The following DENND1A variants were observed in gnomAD, a reference collection of about 807,000 sequenced individuals.
DENND1A encodes DENN domain-containing protein 1A.
DENND1A carries 51 observed loss-of-function variants against 113.7 expected under a neutral mutation model. That is an observed-to-expected ratio of 0.45 (90% CI 0.36 to 0.57). The LOEUF is 0.57. Ranked by LOEUF, DENND1A falls within the 20% of genes least tolerant of loss-of-function variation. The probability of loss-of-function intolerance (pLI) is 0.00; values close to 1 mark genes in which losing one functional copy is unlikely to be tolerated. For missense variants in DENND1A, 1,258 were observed against 1,395.9 expected (o/e 0.90, Z 1.57); for synonymous variants, 565 against 570.8 (o/e 0.99, Z 0.14).
intron 5 of DENND1A, among the ~76,000 whole-genome samples, chr9:123,707,863 C>A (rs2066330820): frequency 6.6e-6 from 1 of 152,144 alleles, no homozygotes; most frequent in Admixed American, 6.5e-5. Context: ...TAGCTACATG[C>A]TTCCACAATA....
At chr9:123,415,141 G>C (rs2044619550) in intron 19 of DENND1A, among the ~76,000 whole-genome samples, 1 of 152,146 alleles carries the variant, frequency 6.6e-6, no homozygotes, top group Non-Finnish European at 1.5e-5. Context: ...TGCCAAGAAA[G>C]AGTAACGTGG....
chr9:123,883,909 T>C (rs1848657324), intron 1 of DENND1A, among the ~76,000 whole-genome samples: 1 of 149,518 alleles, frequency 6.7e-6, no homozygotes, highest in African/African-American at 2.5e-5. Flanking sequence ...TAAGAACAAA[T>C]TGGTCTATAA....
At chr9:123,589,534 G>A (rs753056517) in intron 11 of DENND1A, among the ~76,000 whole-genome samples, 2 of 146,912 alleles carry the variant, frequency 1.4e-5, no homozygotes, top group Admixed American at 6.9e-5. Context: ...ACAGCTCTCC[G>A]GTAGCTTGTC....
At chr9:123,863,192 C>T (rs73571779) in intron 2 of DENND1A, among the ~76,000 whole-genome samples, 4,951 of 152,162 alleles carry the variant, frequency 0.033, 264 homozygotes, top group African/African-American at 0.11. Context: ...CTTTGAATTA[C>T]GAAATGTATG....
chr9:123,620,684 G>T (rs1342496425), intron 10 of DENND1A, among the ~76,000 whole-genome samples: 1 of 152,092 alleles, frequency 6.6e-6, no homozygotes, highest in Admixed American at 6.6e-5. Flanking sequence ...ACACACATTT[G>T]TGTATGTGTG....
chr9:123,613,834 G>C (rs1016346211), intron 10 of DENND1A, among the ~76,000 whole-genome samples: 6 of 152,294 alleles, frequency 3.9e-5, no homozygotes, highest in Middle Eastern at 6.8e-3. Context: ...TAGCAGAATG[G>C]GGTATATCTG....
intron 2 of DENND1A, among the ~76,000 whole-genome samples, chr9:123,793,518 C>A (rs1459471673): frequency 6.6e-6 from 1 of 152,170 alleles, no homozygotes; most frequent in East Asian, 1.9e-4. Context: ...AGAATAATAT[C>A]TATTTGAGAA....
intron 2 of DENND1A, among the ~76,000 whole-genome samples, chr9:123,811,341 C>T (rs1343087178): frequency 6.6e-6 from 1 of 152,190 alleles, no homozygotes; most frequent in Admixed American, 6.5e-5. Flanking sequence ...GGGAAATAAG[C>T]AGTCTCCTAT....
chr9:123,644,039 A>T (rs1009514030), intron 9 of DENND1A, among the ~76,000 whole-genome samples: 7 of 152,208 alleles, frequency 4.6e-5, no homozygotes, highest in Non-Finnish European at 8.8e-5. Flanking sequence ...GGCAGCAAGG[A>T]TGCTGGCCTG....
chr9:123,499,361 T>A (rs980987457), intron 13 of DENND1A, among the ~76,000 whole-genome samples: 1 of 152,228 alleles, frequency 6.6e-6, no homozygotes, highest in African/African-American at 2.4e-5. Context: ...CAATACTTGA[T>A]TTCCTCATCT....
At chr9:123,867,586 C>A (rs1333904737) in intron 2 of DENND1A, among the ~76,000 whole-genome samples, 1 of 152,144 alleles carries the variant, frequency 6.6e-6, no homozygotes, top group African/African-American at 2.4e-5. Flanking sequence ...TTGATGGCTG[C>A]AGTAGACATC....
At chr9:123,537,648 G>GA (rs1245738650) in intron 13 of DENND1A, among the ~76,000 whole-genome samples, 1 of 146,940 alleles carries the variant, frequency 6.8e-6, no homozygotes, top group African/African-American at 2.5e-5. Context: ...AAAAAACAAA[G>GA]AAAAAACTCT....
rs141891381 is a variant in DENND1A, at chr9:123,487,352, G to A, written c.994-29455C>T. ...GTCTAGGGCCCAAGTCAGCTGGCAG[G>A]TTTGTTTACCTGCCCCCTCCACACC... On this transcript the variant is annotated intron_variant, in intron 13 of 23. Transcript: ENST00000394215. 1.6e-3 allele frequency among the ~76,000 whole-genome samples: 251 copies of A among 152,278 alleles called. 1 individual carries two copies. Among genetic ancestry groups the A allele is most frequent in the African/African-American group, 5.8e-3 (242 of 41,554 alleles).
chr9:123,649,258 G>T (rs1390818959), intron 9 of DENND1A, among the ~76,000 whole-genome samples: 3 of 152,028 alleles, frequency 2.0e-5, no homozygotes, highest in Non-Finnish European at 4.4e-5. Context: ...CCTCTATTGA[G>T]GACCATAAAA....
At chr9:123,427,123 GAACA>G (rs1564467775) in intron 19 of DENND1A, among the ~76,000 whole-genome samples, 2 of 152,218 alleles carry the variant, frequency 1.3e-5, no homozygotes, top group Non-Finnish European at 2.9e-5. Flanking sequence ...TTGGGGTTTA[GAACA>G]AACAAAAAGG....
At chr9:123,896,235 C>T (rs1461297489) in intron 1 of DENND1A, among the ~76,000 whole-genome samples, 1 of 151,980 alleles carries the variant, frequency 6.6e-6, no homozygotes, top group African/African-American at 2.4e-5. Flanking sequence ...TAGCTTGAGC[C>T]CAGGAGTTCA....
intron 8 of DENND1A, among the ~76,000 whole-genome samples, chr9:123,652,482 T>C (rs1399816610): frequency 6.6e-6 from 1 of 152,258 alleles, no homozygotes; most frequent in East Asian, 1.9e-4. Flanking sequence ...AACAGTCTAA[T>C]AAGCAATGAA....
intron 4 of DENND1A, 90 bp downstream of exon 4, chr9:123,769,424 G>T: frequency 8.5e-7 from 1 of 1,174,410 alleles, no homozygotes; most frequent in South Asian, 1.5e-5. Flanking sequence ...TGGTTAAACA[G>T]ACAGAATGTT....
chr9:123,555,620 C>T (rs776570784), intron 13 of DENND1A, among the ~76,000 whole-genome samples: 1 of 152,220 alleles, frequency 6.6e-6, no homozygotes, highest in Non-Finnish European at 1.5e-5. Context: ...TCAGGAAGGA[C>T]AGGCAGGCTT....
Sources: allele counts gnomAD v4.1 joint callset (sites outside exome capture counted in the v4.1 genomes callset), GRCh38; gene constraint gnomAD v4.1.1; transcripts MANE v1.5; gene names NCBI Gene and HGNC (gene_info 2026-07-23, HGNC 2026-07-21).